SOX5: variants seen among roughly 807,000 people sequenced by gnomAD.
The protein encoded by SOX5 is transcription factor SOX-5.
Under a neutral mutation model 92.0 loss-of-function variants are expected in SOX5, and 9 were observed. That is an observed-to-expected ratio of 0.10 (90% CI 0.06 to 0.17). SOX5 has a LOEUF of 0.17. SOX5 is among the 10% of genes least tolerant of loss of function. The pLI, the probability that SOX5 is intolerant of heterozygous loss-of-function variation, is 1.00. For synonymous variants in SOX5, 344 were observed against 336.3 expected (o/e 1.02, Z -0.25); for missense variants, 642 against 944.5 (o/e 0.68, Z 4.20).
At chr12:23,839,963 C>T (rs2096491570) in intron 3 of SOX5, among the ~76,000 whole-genome samples, 1 of 142,358 alleles carries the variant, frequency 7.0e-6, no homozygotes, top group African/African-American at 2.6e-5. Flanking sequence ...CAGCATTGTA[C>T]TGAAACTCCT....
chr12:23,693,854 A>G (rs1350490227), intron 6 of SOX5, among the ~76,000 whole-genome samples: 1 of 152,192 alleles, frequency 6.6e-6, no homozygotes, highest in Non-Finnish European at 1.5e-5. Context: ...GAATTATTAA[A>G]ACGTTTTTAA....
At chr12:24,496,738 C>T (rs1037078617) in intron 1 of SOX5, among the ~76,000 whole-genome samples, 1 of 152,144 alleles carries the variant, frequency 6.6e-6, no homozygotes, top group African/African-American at 2.4e-5. Flanking sequence ...AAGATTTCAG[C>T]GTATTAATGA....
intron 1 of SOX5, among the ~76,000 whole-genome samples, chr12:24,534,477 T>C (rs989535041): frequency 6.6e-6 from 1 of 152,180 alleles, no homozygotes; most frequent in Non-Finnish European, 1.5e-5. Flanking sequence ...TACACAGCTT[T>C]TTAAGGAATC....
chr12:24,068,530 C>T (rs576477992), intron 4 of SOX5, among the ~76,000 whole-genome samples: 1 of 151,712 alleles, frequency 6.6e-6, no homozygotes, highest in East Asian at 1.9e-4. Context: ...TAGAAGCCTT[C>T]ATTTGCATAT....
intron 9 of SOX5, among the ~76,000 whole-genome samples, chr12:23,580,098 G>GGCTATAAT (rs1176785094): frequency 1.3e-5 from 2 of 152,042 alleles, no homozygotes; most frequent in African/African-American, 4.8e-5. Flanking sequence ...ACTAGTAGAA[G>GGCTATAAT]GCTATAATTT....
At chr12:23,851,966 C>T (rs930781374) in intron 2 of SOX5, among the ~76,000 whole-genome samples, 2 of 152,040 alleles carry the variant, frequency 1.3e-5, no homozygotes, top group Admixed American at 6.6e-5. Flanking sequence ...TGATGATCAG[C>T]GGCTAGGTTG....
At chr12:24,550,743 T>C (rs1401635337) in intron 1 of SOX5, among the ~76,000 whole-genome samples, 1 of 152,244 alleles carries the variant, frequency 6.6e-6, no homozygotes, top group Non-Finnish European at 1.5e-5. Flanking sequence ...AGAGGCTGCA[T>C]AGATTTCACA....
intron 1 of SOX5, among the ~76,000 whole-genome samples, chr12:23,918,356 T>C (rs2097440935): frequency 6.6e-6 from 1 of 152,198 alleles, no homozygotes; most frequent in South Asian, 2.1e-4. Context: ...GCATCTTCTC[T>C]TTTCTCCAAA....
At chr12:24,336,646 T>G (rs144484593) in intron 2 of SOX5, among the ~76,000 whole-genome samples, 153 of 152,310 alleles carry the variant, frequency 1.0e-3, no homozygotes, top group Admixed American at 2.9e-3. Context: ...CATAAAGTAC[T>G]CATTACATAA....
At chr12:23,782,142 G>A (rs1428556733) in intron 3 of SOX5, among the ~76,000 whole-genome samples, 1 of 151,832 alleles carries the variant, frequency 6.6e-6, no homozygotes, top group Non-Finnish European at 1.5e-5. Flanking sequence ...CCAACTCTAG[G>A]GAAAGATGTA....
intron 3 of SOX5, among the ~76,000 whole-genome samples, chr12:23,845,390 G>C (rs2096563544): frequency 6.6e-6 from 1 of 152,112 alleles, no homozygotes; most frequent in Non-Finnish European, 1.5e-5. Flanking sequence ...TTTAAGATTA[G>C]TCCATTTGCC....
In SOX5 at chr12:24,008,597, C is replaced by T. The variant is rs77454412; in HGVS notation, c.-1-112573G>A. Among the ~76,000 whole-genome samples the T allele has an allele frequency of 1.8e-3, 273 of 152,128 alleles. 1 individual carries two copies. Among genetic ancestry groups the T allele is most frequent in the Non-Finnish European group, 3.3e-3 (222 of 68,000 alleles). ...AGCTTATTTCTTTAAGGTATTATGA[C>T]CTCTATTTTAATATTAAGTAAAAGA... On this transcript the variant is annotated intron_variant, in intron 4 of 4. Transcript: ENST00000446891.
intron 4 of SOX5, among the ~76,000 whole-genome samples, chr12:24,024,846 T>G (rs1234411003): frequency 6.6e-6 from 1 of 152,004 alleles, no homozygotes; most frequent in Non-Finnish European, 1.5e-5. Flanking sequence ...GTATAAGCAC[T>G]TAGATTTTCA....
At chr12:23,911,850 A>C (rs1391854160) in intron 1 of SOX5, among the ~76,000 whole-genome samples, 5 of 152,160 alleles carry the variant, frequency 3.3e-5, no homozygotes, top group Admixed American at 6.6e-5. Flanking sequence ...AACCACTTAG[A>C]AGGAAACACA....
chr12:24,253,998 G>T (rs1273527165), intron 3 of SOX5, among the ~76,000 whole-genome samples: 2 of 152,140 alleles, frequency 1.3e-5, no homozygotes, highest in East Asian at 3.8e-4. Context: ...AGAATTGAGT[G>T]AATTAGTGTA....
intron 6 of SOX5, among the ~76,000 whole-genome samples, chr12:23,697,697 T>G (rs977934654): frequency 6.6e-6 from 1 of 152,088 alleles, no homozygotes; most frequent in Non-Finnish European, 1.5e-5. Context: ...ATTACCAGCA[T>G]TCGGCACCAT....
At chr12:24,475,909 G>C (rs1319338251) in intron 1 of SOX5, among the ~76,000 whole-genome samples, 1 of 151,816 alleles carries the variant, frequency 6.6e-6, no homozygotes, top group Non-Finnish European at 1.5e-5. Context: ...TTGAGCCCAG[G>C]AGGTCAAGGC....
intron 4 of SOX5, among the ~76,000 whole-genome samples, chr12:24,021,125 G>A (rs1954233703): frequency 6.6e-6 from 1 of 152,190 alleles, no homozygotes; most frequent in Admixed American, 6.6e-5. Flanking sequence ...TCTACTGAGA[G>A]ATGACAATAA....
At chr12:23,706,866 C>T (rs2091454895) in intron 6 of SOX5, among the ~76,000 whole-genome samples, 1 of 151,780 alleles carries the variant, frequency 6.6e-6, no homozygotes, top group Non-Finnish European at 1.5e-5. Context: ...TTATTATAAA[C>T]AAATTTGGAA....
Sources: allele counts gnomAD v4.1 joint callset (sites outside exome capture counted in the v4.1 genomes callset), GRCh38; gene constraint gnomAD v4.1.1; transcripts MANE v1.5; gene names NCBI Gene and HGNC (gene_info 2026-07-23, HGNC 2026-07-21).